The following HCLS1 variants were observed in gnomAD, a reference collection of about 807,000 sequenced individuals.
HCLS1 encodes hematopoietic cell-specific Lyn substrate 1.
Under a neutral mutation model 68.6 loss-of-function variants are expected in HCLS1, and 44 were observed. The observed-to-expected ratio is 0.64, with a 90% CI of 0.50 to 0.82. HCLS1 has a LOEUF of 0.82. Among genes scored for constraint, HCLS1 ranks in the 40% least tolerant of loss-of-function variants. The pLI is 0.00. For synonymous variants in HCLS1, 217 were observed against 225.8 expected, an observed-to-expected ratio of 0.96 and a Z score of 0.35; for missense variants, 602 against 612.1, an observed-to-expected ratio of 0.98 and a Z score of 0.17.
chr3:121,651,994 C>A (rs1378409175), intron 3 of HCLS1, among the ~76,000 whole-genome samples: 2 of 152,156 alleles, frequency 1.3e-5, no homozygotes, highest in Non-Finnish European at 2.9e-5. Context: ...ATCCAAATGG[C>A]TATTGACAGG....
At chr3:121,651,175 T>C (rs1260776441) in intron 3 of HCLS1, among the ~76,000 whole-genome samples, 1 of 152,134 alleles carries the variant, frequency 6.6e-6, no homozygotes, top group Non-Finnish European at 1.5e-5. Flanking sequence ...AAGCAAGTTA[T>C]GTTCTGGGAG....
chr3:121,631,540 C>T lies in HCLS1; in HGVS notation c.*306G>A, dbSNP rs752041854. ...ATCTAGACGTACTTTCCCGGGTAAA[C>T]AAACTGGGAAGCCCAGAGCTCACAG... is the stretch of plus-strand genomic sequence containing the variant. On this transcript the variant is annotated 3_prime_UTR_variant, in exon 14 of 14. Coordinates refer to ENST00000314583, the MANE Select transcript of HCLS1 (RefSeq NM_005335.6). The T allele has an allele frequency of 2.4e-4, 75 of 318,532 alleles. 1 individual carries two copies. Among genetic ancestry groups the T allele is most frequent in the Non-Finnish European group, 3.7e-4 (63 of 171,610 alleles). 19.7% of individuals were successfully genotyped at this position (318,532 alleles called of 1,614,324 possible). A position where few individuals can be genotyped will look rare whatever the true frequency, so the allele number is the denominator to read the frequency against.
chr3:121,654,859 T>C (rs1937826666), intron 3 of HCLS1, among the ~76,000 whole-genome samples: 1 of 152,194 alleles, frequency 6.6e-6, no homozygotes, highest in African/African-American at 2.4e-5. Flanking sequence ...GTGATTCCCA[T>C]CAGATGTTAA....
intron 10 of HCLS1, among the ~76,000 whole-genome samples, chr3:121,633,981 TGG>T (rs1173400334): frequency 6.6e-6 from 1 of 152,244 alleles, no homozygotes; most frequent in Non-Finnish European, 1.5e-5. Flanking sequence ...CTGTGCTGGC[TGG>T]TGACTTGCTT....
rs779710044 is a variant in HCLS1 at position 121,658,264 on chromosome 3, C to T, written c.84G>A (p.Val28=). The change falls in exon 2 of 14, where the codon GTG becomes GTA. Residue 28 remains valine (V), a splice_region_variant and synonymous_variant. Transcript: ENST00000314583. ...CAAGCAAAGCTACTTCCAAACTCAC[C>T]ACAAAGTCAGGATCTGTGTCCCAAT... ...GDDWDTDPDF[V]NDISEKEQRW... is the part of the protein sequence containing the mutation. 8 of 1,612,914 alleles carry T rather than the reference C, an allele frequency of 5.0e-6. No homozygotes were observed. The highest frequency in any genetic ancestry group is 6.8e-6 in the Non-Finnish European group (8 of 1,179,094).
intron 4 of HCLS1, among the ~76,000 whole-genome samples, chr3:121,646,703 T>C (rs1158467882): frequency 7.9e-6 from 1 of 127,036 alleles, no homozygotes; most frequent in Non-Finnish European, 1.6e-5. Context: ...TAATATACAT[T>C]ATATTATATT....
chr3:121,647,458 A>T lies in HCLS1; in HGVS notation c.159-10T>A. 6.2e-7 allele frequency: 1 copy of T among 1,613,812 alleles called. No individual in the cohort carries two copies. Among genetic ancestry groups the T allele is most frequent in the Non-Finnish European group, 8.5e-7 (1 of 1,179,866 alleles). On this transcript the variant is annotated splice_polypyrimidine_tract_variant and intron_variant, in intron 3 of 13. Coordinates refer to ENST00000314583, the MANE Select transcript of HCLS1 (RefSeq NM_005335.6). The stretch of plus-strand genomic sequence containing the variant: ...CCTCAGCTGGTGGATGCTGGAAGAA[A>T]CCACATGACCAAGGCTCATCTATCC...
At chr3:121,651,737 C>T (rs982471469) in intron 3 of HCLS1, among the ~76,000 whole-genome samples, 1 of 152,190 alleles carries the variant, frequency 6.6e-6, no homozygotes, top group Admixed American at 6.5e-5. Context: ...AAAATACTAA[C>T]AATAACAAAT....
chr3:121,647,839 C>T (rs1408140009), intron 3 of HCLS1, among the ~76,000 whole-genome samples: 4 of 152,060 alleles, frequency 2.6e-5, no homozygotes, highest in Non-Finnish European at 5.9e-5. Flanking sequence ...GAAAAATATT[C>T]ACATACCATT....
chr3:121,647,226 C>A, intron 4 of HCLS1, 93 bp downstream of exon 4: 1 of 1,256,220 alleles, frequency 8.0e-7, no homozygotes, highest in Admixed American at 1.8e-5. Flanking sequence ...CATGATCCAC[C>A]CACCTTGGCC....
intron 9 of HCLS1, among the ~76,000 whole-genome samples, chr3:121,635,241 C>CTCTCTT (rs1435705645): frequency 4.5e-5 from 3 of 66,622 alleles, no homozygotes; most frequent in African/African-American, 1.7e-4. Context: ...TCCCTTTTCT[C>CTCTCTT]TCTCTCTCTC....
intron 4 of HCLS1, among the ~76,000 whole-genome samples, chr3:121,646,639 ATTATATT>A (rs1560141958): frequency 6.8e-5 from 8 of 117,192 alleles, no homozygotes; most frequent in African/African-American, 1.3e-4. Context: ...ATAAGTATAT[ATTATATT>A]ATATATACTT....
intron 9 of HCLS1, among the ~76,000 whole-genome samples, chr3:121,634,793 A>G (rs974063314): frequency 1.3e-5 from 2 of 152,138 alleles, no homozygotes; most frequent in East Asian, 3.9e-4. Context: ...CACCACACCC[A>G]GCTAATTTTT....
At position 121,631,780 on chromosome 3, in the gene HCLS1, G is replaced by A; in HGVS notation, c.*66C>T. On this transcript the variant is annotated 3_prime_UTR_variant, in exon 14 of 14. Transcript: ENST00000314583. The stretch of plus-strand genomic sequence containing the variant: ...GTTAGACATTTGCAGCAGGAATAGG[G>A]AGGGGGTGGAGGCAGAGCCACTTTG... The A allele has an allele frequency of 6.4e-7, 1 of 1,553,038 alleles. No individual in the cohort carries two copies. The highest frequency in any genetic ancestry group is 2.3e-5 in the East Asian group (1 of 44,430).
In HCLS1 at chr3:121,631,932, CA is replaced by C; in HGVS notation, c.1374del (p.Ile458MetfsTer31). On this transcript the variant is annotated frameshift_variant, in exon 14 of 14. Transcript: ENST00000314583. LOFTEE classifies it high-confidence loss of function. ...CGCCACCAGCCCTCGTCCACCATCT[CA>C]ATGTCAGTGATTACGTCGTCCGGAT... ...SFDPDDVITD[I>X]EMVDEGWWRG... 6.2e-7 allele frequency: 1 copy of C among 1,614,232 alleles called. No individual in the cohort carries two copies. Among genetic ancestry groups the C allele is most frequent in the Non-Finnish European group, 8.5e-7 (1 of 1,180,040 alleles).
At chr3:121,644,216 C>T (rs1335429307) in intron 5 of HCLS1, 2 of 177,232 alleles carry the variant, frequency 1.1e-5, no homozygotes, top group Non-Finnish European at 2.5e-5. Context: ...AGGCGTGGAA[C>T]TAAAAACATC....
At chr3:121,657,169 G>C in intron 3 of HCLS1, 110 bp downstream of exon 3, 1 of 825,088 alleles carries the variant, frequency 1.2e-6, no homozygotes, top group Non-Finnish European at 2.0e-6. Flanking sequence ...ATAATACATA[G>C]ACATGAACTA....
chr3:121,648,069 T>C (rs1937649985), intron 3 of HCLS1, among the ~76,000 whole-genome samples: 1 of 152,228 alleles, frequency 6.6e-6, no homozygotes, highest in African/African-American at 2.4e-5. Flanking sequence ...ATAATGCTTA[T>C]AAAAACACAG....
chr3:121,655,462 C>CTTTTTTTTTTTTTT lies in HCLS1; in HGVS notation c.158+1803_158+1816dup, dbSNP rs1181452367. The CTTTTTTTTTTTTTT allele has an allele frequency of 1.6e-4, 8 of 50,066 alleles. 1 individual carries two copies. Among genetic ancestry groups the CTTTTTTTTTTTTTT allele is most frequent in the Non-Finnish European group, 2.6e-4 (7 of 26,522 alleles). The allele number at this position is 50,066 out of a possible 1,614,324, so 3.1% of individuals were successfully genotyped here. A position where few individuals can be genotyped will look rare whatever the true frequency, so the allele number is the denominator to read the frequency against. ...CATTTTTTTATGAGGGTTGCTTGCT[C>CTTTTTTTTTTTTTT]TTTTTTTTTTTTTTTTTTTTTTTTT... is the stretch of plus-strand genomic sequence containing the variant. On this transcript the variant is annotated intron_variant, in intron 3 of 13. Transcript: ENST00000314583.
Sources: allele counts gnomAD v4.1 joint callset (sites outside exome capture counted in the v4.1 genomes callset), GRCh38; gene constraint gnomAD v4.1.1; transcripts MANE v1.5; gene names NCBI Gene and HGNC (gene_info 2026-07-23, HGNC 2026-07-21).